Variants in ERN1 observed in about 807,000 individuals in gnomAD.
ERN1 encodes endoplasmic reticulum to nucleus signaling 1, also known as serine/threonine-protein kinase/endoribonuclease IRE1.
ERN1 carries 39 observed loss-of-function variants against 113.1 expected under a neutral mutation model. The ratio of observed to expected loss-of-function variants is 0.34; its 90% confidence interval spans 0.27 to 0.45. The LOEUF is 0.45. Among genes scored for constraint, ERN1 ranks in the 20% least tolerant of loss-of-function variants. ERN1 has a pLI of 1.00. For synonymous variants in ERN1, 507 were observed against 515.9 expected (o/e 0.98, Z 0.23); for missense variants, 976 against 1,274.8 (o/e 0.77, Z 3.57).
chr17:64,128,161 A>ATTTTTTTTTTT (rs760752335), intron 1 of ERN1, among the ~76,000 whole-genome samples: 31 of 126,388 alleles, frequency 2.5e-4, no homozygotes, highest in African/African-American at 9.3e-4. Flanking sequence ...CGCCCGGCTA[A>ATTTTTTTTTTT]TTTTTTTTTT....
Position 64,088,875 on chromosome 17 carries a change from G to A in ERN1, c.176-8067C>T, listed in dbSNP as rs1914008625. Reference sequence around the variant, plus strand: ...ATGTCACTGTGTTCACGGGACAGAGGACGCAGGCTCAGTAAGTGTGACATG... The same window carrying A: ...ATGTCACTGTGTTCACGGGACAGAGAACGCAGGCTCAGTAAGTGTGACATG... On this transcript the variant is annotated intron_variant, in intron 2 of 21. Transcript: ENST00000433197. 1.3e-5 allele frequency among the ~76,000 whole-genome samples: 2 copies of A among 152,174 alleles called. 1 individual carries two copies. Among genetic ancestry groups the A allele is most frequent in the South Asian group, 4.1e-4 (2 of 4,828 alleles).
In ERN1 at chr17:64,054,482, C is replaced by G; in HGVS notation, c.1764-43G>C. ...GGAGTTGTGTCTGGGAAGCACGAGT[C>G]AGGCTGTGTAAATGAGGTGAGAACC... On this transcript the variant is annotated intron_variant, in intron 14 of 21. Transcript: ENST00000433197. The surrounding 1 kb of genome is among the most constrained non-coding windows in gnomAD (Gnocchi z 4.9). The G allele has an allele frequency of 6.6e-7, 1 of 1,525,808 alleles. No homozygotes were observed. Among genetic ancestry groups the G allele is most frequent in the South Asian group, 1.2e-5 (1 of 81,836 alleles). The allele number at this position is 1,525,808 out of a possible 1,614,324, so 94.5% of individuals were successfully genotyped here. A position where few individuals can be genotyped will look rare whatever the true frequency, so the allele number is the denominator to read the frequency against.
At chr17:64,087,371 C>T (rs953728112) in intron 2 of ERN1, among the ~76,000 whole-genome samples, 1 of 152,208 alleles carries the variant, frequency 6.6e-6, no homozygotes, top group Non-Finnish European at 1.5e-5. Flanking sequence ...CTGACCCAGT[C>T]CCACTTGCAA....
chr17:64,066,549 T>C (rs1392857457), intron 8 of ERN1, 122 bp downstream of exon 8: 1 of 1,214,190 alleles, frequency 8.2e-7, no homozygotes, highest in African/African-American at 1.5e-5. Flanking sequence ...TGGCTCTGAA[T>C]ATTCCTCATG....
intron 2 of ERN1, among the ~76,000 whole-genome samples, chr17:64,084,761 C>T (rs773004472): frequency 2.0e-5 from 3 of 152,182 alleles, no homozygotes; most frequent in Non-Finnish European, 4.4e-5. Context: ...TCCCTTTCAA[C>T]CTGTCACCCT....
At chr17:64,074,211 A>G (rs1287018493) in intron 5 of ERN1, among the ~76,000 whole-genome samples, 1 of 152,184 alleles carries the variant, frequency 6.6e-6, no homozygotes, top group African/African-American at 2.4e-5. Context: ...CCATGCTCTT[A>G]AATATGTTTA....
In ERN1 at chr17:64,063,358, G is replaced by T. The variant is rs1224705874; in HGVS notation, c.1087+628C>A. Among the ~76,000 whole-genome samples the T allele has an allele frequency of 6.6e-6, 1 of 152,224 alleles. No homozygotes were observed. ...GTCACACTCACTGCCAACTCAAGAAGTGTCATCTCAACTTATCTCTCTTGG... is the reference window on the plus strand; with the variant it reads ...GTCACACTCACTGCCAACTCAAGAATTGTCATCTCAACTTATCTCTCTTGG... On this transcript the variant is annotated intron_variant, in intron 10 of 21. Transcript: ENST00000433197. The surrounding 1 kb of genome is among the most constrained non-coding windows in gnomAD (Gnocchi z 5.1).
chr17:64,105,371 GT>G (rs1033075681), intron 1 of ERN1, among the ~76,000 whole-genome samples: 2 of 152,054 alleles, frequency 1.3e-5, no homozygotes, highest in Admixed American at 1.3e-4. Flanking sequence ...AGCCTCCTGA[GT>G]TGCTGAGATT....
chr17:64,089,689 C>T (rs1025957420), intron 2 of ERN1, among the ~76,000 whole-genome samples: 1 of 151,962 alleles, frequency 6.6e-6, no homozygotes, highest in African/African-American at 2.4e-5. Flanking sequence ...ACAGATAGAC[C>T]CGAGCCGGGG....
At chr17:64,108,787 A>T (rs1914597091) in intron 1 of ERN1, among the ~76,000 whole-genome samples, 1 of 152,218 alleles carries the variant, frequency 6.6e-6, no homozygotes, top group Non-Finnish European at 1.5e-5. Context: ...GTCAAATTTT[A>T]TCCATTTGAG....
rs1178336339 is a variant in ERN1, at chr17:64,121,935, AG to A, written c.54+8040del. On this transcript the variant is annotated intron_variant, in intron 1 of 21. Coordinates refer to ENST00000433197, the MANE Select transcript of ERN1 (RefSeq NM_001433.5). ...TCGCACAACTGCAACAAAGGGTAGA[AG>A]GCCATGATTCTTAACGGAGGAAAAA... Among the ~76,000 whole-genome samples, 4 of 152,348 alleles carry A rather than the reference AG, an allele frequency of 2.6e-5. No individual in the cohort carries two copies. The East Asian group carries it at 7.7e-4, about 29-fold the overall frequency.
At chr17:64,065,079 T>C (rs1281573005) in intron 9 of ERN1, 130 bp downstream of exon 9, 2 of 620,274 alleles carry the variant, frequency 3.2e-6, no homozygotes, top group Admixed American at 6.5e-5. Context: ...GTGCAGAAAC[T>C]GTTTTTGAGA....
chr17:64,059,087 G>C (rs1912971656), intron 11 of ERN1, among the ~76,000 whole-genome samples: 1 of 152,212 alleles, frequency 6.6e-6, no homozygotes, highest in Non-Finnish European at 1.5e-5. Context: ...TAAGGGCACT[G>C]TCTTATTTTC....
chr17:64,101,291 CCCAGCTA>C (rs1914378348), intron 1 of ERN1, among the ~76,000 whole-genome samples: 1 of 152,086 alleles, frequency 6.6e-6, no homozygotes, highest in Non-Finnish European at 1.5e-5. Context: ...TGCCTGTAAT[CCCAGCTA>C]CTAGAGACGC....
chr17:64,093,609 T>C (rs1251060744), intron 2 of ERN1, among the ~76,000 whole-genome samples: 1 of 152,204 alleles, frequency 6.6e-6, no homozygotes, highest in Admixed American at 6.5e-5. Flanking sequence ...CCTCACATGG[T>C]GGAGAGAGAA....
In ERN1 at chr17:64,129,657, A is replaced by G. The variant is rs920589371; in HGVS notation, c.54+319T>C. 6.7e-5 allele frequency: 25 copies of G among 370,668 alleles called. No individual in the cohort carries two copies. In the East Asian group the frequency reaches 9.8e-4, roughly 15 times the overall value. 23.0% of individuals were successfully genotyped at this position (370,668 alleles called of 1,614,324 possible). A position where few individuals can be genotyped will look rare whatever the true frequency, so the allele number is the denominator to read the frequency against. On this transcript the variant is annotated intron_variant, in intron 1 of 21. Transcript: ENST00000433197. ...AGGCCGGGGCCTTCTGGGACCCCCAAGTGCCGTGCAGGACGCCACGAAGTT... is the reference window on the plus strand; with the variant it reads ...AGGCCGGGGCCTTCTGGGACCCCCAGGTGCCGTGCAGGACGCCACGAAGTT...
intron 2 of ERN1, among the ~76,000 whole-genome samples, chr17:64,095,458 T>C (rs1379118320): frequency 6.6e-6 from 1 of 152,104 alleles, no homozygotes; most frequent in Non-Finnish European, 1.5e-5. Flanking sequence ...AAAGAAATTA[T>C]TAGACCTTAA....
At chr17:64,102,543 T>C (rs1259919181) in intron 1 of ERN1, 2 of 631,224 alleles carry the variant, frequency 3.2e-6, no homozygotes, top group African/African-American at 4.0e-5. Flanking sequence ...ATTTTCTGGC[T>C]TTTTCCCCTC....
At chr17:64,055,048 C>T (rs1450331921) in intron 13 of ERN1, among the ~76,000 whole-genome samples, 1 of 152,218 alleles carries the variant, frequency 6.6e-6, no homozygotes, top group African/African-American at 2.4e-5. Context: ...CCGCCTTTAC[C>T]TTATTGTGCG....
Sources: gnomAD v4.1 joint callset for allele counts (sites outside exome capture counted in the v4.1 genomes callset) on GRCh38, gnomAD v4.1.1 for gene constraint, Gnocchi (gnomAD v3.1) non-coding constraint, MANE v1.5 for transcripts, NCBI Gene and HGNC (gene_info 2026-07-23, HGNC 2026-07-21) for gene names.